The following TGFB1I1 variants were observed in gnomAD, a reference collection of about 807,000 sequenced individuals.
The protein encoded by TGFB1I1 is transforming growth factor beta 1 induced transcript 1, also known as transforming growth factor beta-1-induced transcript 1 protein.
Under a neutral mutation model 52.0 loss-of-function variants are expected in TGFB1I1, and 33 were observed. The observed-to-expected ratio is 0.63, with a 90% CI of 0.48 to 0.85. The LOEUF is 0.85. TGFB1I1 is among the 40% of genes least tolerant of loss of function. The pLI, the probability that TGFB1I1 is intolerant of heterozygous loss-of-function variation, is 0.00. For synonymous variants in TGFB1I1, 236 were observed against 253.3 expected (o/e 0.93, Z 0.65); for missense variants, 577 against 614.9 (o/e 0.94, Z 0.65).
At chr16:31,473,100 C>A in intron 1 of TGFB1I1, 2 of 689,318 alleles carry the variant, frequency 2.9e-6, no homozygotes, top group Non-Finnish European at 3.8e-6. Flanking sequence ...AGAGAGCGTC[C>A]AATCAGAAAG....
At position 31,476,302 on chromosome 16, in the gene TGFB1I1, C is replaced by T; in HGVS notation, c.888+117C>T. The T allele has an allele frequency of 7.6e-7, 1 of 1,317,102 alleles. No homozygotes were observed. The allele number at this position is 1,317,102 out of a possible 1,614,324, so 81.6% of individuals were successfully genotyped here. On this transcript the variant is annotated intron_variant, in intron 8 of 10. Transcript: ENST00000394863. This position sits in a 1 kb window ranked among gnomAD's most constrained non-coding sequence, Gnocchi z 7.6. ...ATACCCCACTCCACCCCTACCCCTT[C>T]CCCTTGGCAATGTCCACGGCCCCTT...
chr16:31,473,635 G>A, intron 2 of TGFB1I1, 47 bp from the exon 3 acceptor site: 2 of 1,598,252 alleles, frequency 1.3e-6, no homozygotes, highest in Non-Finnish European at 1.7e-6. Flanking sequence ...GCCTCAGTGG[G>A]GCAGAGTGCA....
intron 1 of TGFB1I1, chr16:31,472,457 G>A: frequency 1.7e-6 from 1 of 578,644 alleles, no homozygotes; most frequent in Non-Finnish European, 2.5e-6. Flanking sequence ...GAGGTGCGGC[G>A]CCCGCGGGCG....
Position 31,474,539 on chromosome 16 carries a change from A to G in TGFB1I1, c.520-24A>G, listed in dbSNP as rs1410577466. 6.2e-7 allele frequency: 1 copy of G among 1,611,046 alleles called. No individual in the cohort carries two copies. Among genetic ancestry groups the G allele is most frequent in the South Asian group, 1.1e-5 (1 of 90,940 alleles). ...CCACATCTGCTGCTTTGCTGACTCA[A>G]TTCTCATGTCCTCCCCGCTGCAGCT... On this transcript the variant is annotated intron_variant, in intron 6 of 10. Transcript: ENST00000394863. The surrounding 1 kb of genome is among the most constrained non-coding windows in gnomAD (Gnocchi z 4.2).
intron 1 of TGFB1I1, chr16:31,473,161 T>C: frequency 8.4e-7 from 1 of 1,195,212 alleles, no homozygotes; most frequent in South Asian, 2.4e-5. Context: ...GAGCCAAATT[T>C]GGCTTGGGTG....
Position 31,476,214 on chromosome 16 carries a change from G to T in TGFB1I1, c.888+29G>T. 11 of 1,600,494 alleles carry T rather than the reference G, an allele frequency of 6.9e-6. No homozygotes were observed. The highest frequency in any genetic ancestry group is 9.4e-6 in the Non-Finnish European group (11 of 1,174,780). On this transcript the variant is annotated intron_variant, in intron 8 of 10. Coordinates refer to ENST00000394863, the MANE Select transcript of TGFB1I1 (RefSeq NM_001042454.3). This position sits in a 1 kb window ranked among gnomAD's most constrained non-coding sequence, Gnocchi z 7.6. ...AGCCCCGCCCGGCCGCACCGAGCCC[G>T]CCCTATCTCACCAGGAGAGCTGTGG...
Position 31,473,263 on chromosome 16 carries a change from G to A in TGFB1I1, c.14-178G>A, listed in dbSNP as rs45523034. 23 of 1,417,280 alleles carry A rather than the reference G, an allele frequency of 1.6e-5. No homozygotes were observed. In the East Asian group the frequency reaches 5.6e-4, roughly 35 times the overall value. The allele number at this position is 1,417,280 out of a possible 1,614,324, so 87.8% of individuals were successfully genotyped here. ...CTTGGCTCCAAGCGTGAGCAACTGG[G>A]ATATTCTGGTCATAAATATTCCTTG... On this transcript the variant is annotated intron_variant, in intron 1 of 10. Coordinates refer to ENST00000394863, the MANE Select transcript of TGFB1I1 (RefSeq NM_001042454.3).
In TGFB1I1 at chr16:31,473,738, A is replaced by G. The variant is rs766363114; in HGVS notation, c.182+4A>G. On this transcript the variant is annotated splice_donor_region_variant and intron_variant, in intron 3 of 10. Transcript: ENST00000394863. ...GGGACAAGGACCACCTGTACAGGTG[A>G]GGGGCCTGGAAACCAGGGCATGGGG... 3.2e-6 allele frequency: 5 copies of G among 1,570,758 alleles called. No homozygotes were observed. In the South Asian group the frequency reaches 6.0e-5, roughly 19 times the overall value.
intron 1 of TGFB1I1, 168 bp downstream of exon 1, chr16:31,472,369 T>G: frequency 2.7e-6 from 3 of 1,121,078 alleles, no homozygotes; most frequent in Non-Finnish European, 3.4e-6. Context: ...TCTCCCTTCC[T>G]GCCTTTCCTG....
At chr16:31,473,211 T>C (rs2082401159) in intron 1 of TGFB1I1, 1 of 1,343,012 alleles carries the variant, frequency 7.4e-7, no homozygotes, top group Non-Finnish European at 9.6e-7. Flanking sequence ...ATGGGGAGAA[T>C]AAAATAATCA....
At position 31,473,501 on chromosome 16, in the gene TGFB1I1, A is replaced by G. The variant is rs780766935; in HGVS notation, c.74A>G (p.Lys25Arg). ...TSHMPRSGAP[K>R]ERPAEPLTPP... Reference sequence around the variant, plus strand: ...CACATGCCAAGGTCAGGGGCTCCCAAAGAGCGCCCTGCGGAGCCTCTCACC... The same window carrying G: ...CACATGCCAAGGTCAGGGGCTCCCAGAGAGCGCCCTGCGGAGCCTCTCACC... Residue 25 changes from lysine (K) to arginine (R), a missense_variant, in exon 2 of 11, where the codon AAA (lysine) becomes AGA (arginine). By Grantham distance (26) the Lys-to-Arg change is conservative. Around this residue, in one of 3 missense-constraint regions of TGFB1I1, gnomAD observed 113 missense variants for 123.9 expected, o/e 0.91. Coordinates refer to ENST00000394863, the MANE Select transcript of TGFB1I1 (RefSeq NM_001042454.3). 2 of 1,613,860 alleles carry G rather than the reference A, an allele frequency of 1.2e-6. No individual in the cohort carries two copies. The highest frequency in any genetic ancestry group is 1.7e-6 in the Non-Finnish European group (2 of 1,179,998).
rs1415940483 is a variant in TGFB1I1 at position 31,474,893 on chromosome 16, G to A, written c.714+136G>A. ...TCATTATTACTTATGTTTTATGGAT[G>A]AGGAAACTGAAGCTCTGAACCACAC... On this transcript the variant is annotated intron_variant, in intron 7 of 10. Coordinates refer to ENST00000394863, the MANE Select transcript of TGFB1I1 (RefSeq NM_001042454.3). This position sits in a 1 kb window ranked among gnomAD's most constrained non-coding sequence, Gnocchi z 4.2. 9 of 854,160 alleles carry A rather than the reference G, an allele frequency of 1.1e-5. No homozygotes were observed. In the East Asian group the frequency reaches 2.1e-4, roughly 20 times the overall value. 52.9% of individuals were successfully genotyped at this position (854,160 alleles called of 1,614,324 possible).
Position 31,474,336 on chromosome 16 carries a change from C to G in TGFB1I1, c.414-14C>G. On this transcript the variant is annotated splice_polypyrimidine_tract_variant and intron_variant, in intron 5 of 10. Coordinates refer to ENST00000394863, the MANE Select transcript of TGFB1I1 (RefSeq NM_001042454.3). This position sits in a 1 kb window ranked among gnomAD's most constrained non-coding sequence, Gnocchi z 4.2. ...CTGGGAGGCTCTGAGATGACACAAG[C>G]ATGTTCTTCACAGCCCTTCCAGCCC... 6.2e-7 allele frequency: 1 copy of G among 1,614,092 alleles called. No homozygotes were observed. The highest frequency in any genetic ancestry group is 8.5e-7 in the Non-Finnish European group (1 of 1,179,962).
In TGFB1I1 at chr16:31,477,537, G is replaced by A. The variant is rs1280090877; in HGVS notation, c.1347G>A (p.Lys449=). The A allele has an allele frequency of 6.2e-7, 1 of 1,609,238 alleles. No homozygotes were observed. The highest frequency in any genetic ancestry group is 8.5e-7 in the Non-Finnish European group (1 of 1,178,522). ...GGTCCTTCCAGGAGCGCGCCGGCAA[G>A]CCCTACTGCCAGCCCTGCTTCCTGA... ...TKGSFQERAG[K]PYCQPCFLKL... is the part of the protein sequence containing the mutation. The change falls in exon 11 of 11, where the codon AAG becomes AAA. Residue 449 remains lysine (K), a synonymous_variant. Coordinates refer to ENST00000394863, the MANE Select transcript of TGFB1I1 (RefSeq NM_001042454.3). This position sits in a 1 kb window ranked among gnomAD's most constrained non-coding sequence, Gnocchi z 4.7.
In TGFB1I1 at chr16:31,474,546, T is replaced by C. The variant is rs773661343; in HGVS notation, c.520-17T>C. The C allele has an allele frequency of 1.9e-6, 3 of 1,610,080 alleles. No homozygotes were observed. Among genetic ancestry groups the C allele is most frequent in the East Asian group, 4.5e-5 (2 of 44,818 alleles). On this transcript the variant is annotated splice_polypyrimidine_tract_variant and intron_variant, in intron 6 of 10. Transcript: ENST00000394863. This position sits in a 1 kb window ranked among gnomAD's most constrained non-coding sequence, Gnocchi z 4.2. ...TGCTGCTTTGCTGACTCAATTCTCA[T>C]GTCCTCCCCGCTGCAGCTTCCAGCC...
intron 7 of TGFB1I1, chr16:31,475,132 T>C (rs973128458): frequency 1.6e-5 from 4 of 253,164 alleles, no homozygotes; most frequent in African/African-American, 9.2e-5. Flanking sequence ...CTTGTTTTAT[T>C]GACTGAGCAG....
In TGFB1I1 at chr16:31,477,311, A is replaced by T. The variant is rs1202490151; in HGVS notation, c.1121A>T (p.Glu374Val). The T allele has an allele frequency of 6.2e-7, 1 of 1,602,324 alleles. No individual in the cohort carries two copies. Among genetic ancestry groups the T allele is most frequent in the South Asian group, 1.1e-5 (1 of 89,978 alleles). Residue 374 changes from glutamate (E) to valine (V), a missense_variant and splice_region_variant, in exon 11 of 11, where the codon GAA becomes GTA. Coordinates refer to ENST00000394863, the MANE Select transcript of TGFB1I1 (RefSeq NM_001042454.3). The surrounding 1 kb of genome is among the most constrained non-coding windows in gnomAD (Gnocchi z 4.7). ...LWHPDCFVCR[E>V]CFAPFSGGSF... The stretch of plus-strand genomic sequence containing the variant: ...TCTTTCGCGGCTTCCCTTCCCCAGG[A>T]ATGCTTCGCGCCCTTCTCGGGAGGC...
chr16:31,472,337 A>T, intron 1 of TGFB1I1, 136 bp downstream of exon 1: 2 of 1,271,500 alleles, frequency 1.6e-6, no homozygotes, highest in Non-Finnish European at 2.0e-6. Context: ...CTCCTTTCCA[A>T]CTCCACGTCC....
At position 31,477,067 on chromosome 16, in the gene TGFB1I1, G is replaced by T; in HGVS notation, c.1119+57G>T. 1 of 1,495,452 alleles carries T rather than the reference G, an allele frequency of 6.7e-7. No individual in the cohort carries two copies. Among genetic ancestry groups the T allele is most frequent in the Non-Finnish European group, 8.9e-7 (1 of 1,122,038 alleles). 92.6% of individuals were successfully genotyped at this position (1,495,452 alleles called of 1,614,324 possible). A position where few individuals can be genotyped will look rare whatever the true frequency, so the allele number is the denominator to read the frequency against. On this transcript the variant is annotated intron_variant, in intron 10 of 10. Coordinates refer to ENST00000394863, the MANE Select transcript of TGFB1I1 (RefSeq NM_001042454.3). The surrounding 1 kb of genome is among the most constrained non-coding windows in gnomAD (Gnocchi z 4.7). ...CGGGTCAAGGGTACAGGGCTGTGGG[G>T]CGGGGCCTTGGAGGGGCGGGTCAAG...
Sources: gnomAD v4.1 joint callset for allele counts on GRCh38, gnomAD v4.1.1 for gene constraint, gnomAD v4.1.1 regional missense constraint, Gnocchi (gnomAD v3.1) non-coding constraint, MANE v1.5 for transcripts, NCBI Gene and HGNC (gene_info 2026-07-23, HGNC 2026-07-21) for gene names.